ANLN: variants seen among roughly 807,000 people sequenced by gnomAD.
ANLN encodes anillin, actin binding protein.
In ANLN, 59 loss-of-function variants were observed where a neutral mutation model predicts 135.1. The observed-to-expected ratio is 0.44, with a 90% confidence interval of 0.35 to 0.54. The LOEUF is 0.54. ANLN is among the 20% of genes least tolerant of loss of function. The pLI, the probability that ANLN is intolerant of heterozygous loss-of-function variation, is 0.00. For missense variants in ANLN, 1,182 were observed against 1,340.0 expected, an observed-to-expected ratio of 0.88 and a Z score of 1.84; for synonymous variants, 406 against 456.4, an observed-to-expected ratio of 0.89 and a Z score of 1.41.
intron 6 of ANLN, 79 bp downstream of exon 6, chr7:36,410,783 A>C: frequency 7.2e-7 from 1 of 1,395,290 alleles, no homozygotes; most frequent in Non-Finnish European, 9.8e-7. Flanking sequence ...TTCTGATGCC[A>C]GTCTTTTTGA....
In ANLN at chr7:36,453,538, G is replaced by A. The variant is rs578076576; in HGVS notation, c.*938G>A. ...CATTTTGAAAGTGGAAAATTATTAA[G>A]TCACCTATCACCTTTAAACGCCTTT... On this transcript the variant is annotated 3_prime_UTR_variant, in exon 24 of 24. Transcript: ENST00000265748. The A allele has an allele frequency of 6.6e-6, 1 of 152,098 alleles. No individual in the cohort carries two copies. Among genetic ancestry groups the A allele is most frequent in the African/African-American group, 2.4e-5 (1 of 41,414 alleles). 9.4% of individuals were successfully genotyped at this position (152,098 alleles called of 1,614,324 possible). A position where few individuals can be genotyped will look rare whatever the true frequency, so the allele number is the denominator to read the frequency against.
chr7:36,437,713 C>A (rs1276112555), intron 20 of ANLN, among the ~76,000 whole-genome samples: 4 of 151,956 alleles, frequency 2.6e-5, no homozygotes, highest in Non-Finnish European at 5.9e-5. Context: ...ATTGCTAAAT[C>A]CATGATCACA....
chr7:36,436,743 T>C (rs1314963297), intron 20 of ANLN, among the ~76,000 whole-genome samples: 1 of 152,234 alleles, frequency 6.6e-6, no homozygotes, highest in Non-Finnish European at 1.5e-5. Flanking sequence ...CATGTGCTCA[T>C]TGGAAGACAA....
chr7:36,424,859 G>A (rs1023516144), intron 17 of ANLN, 117 bp downstream of exon 17: 8 of 981,636 alleles, frequency 8.1e-6, no homozygotes, highest in Non-Finnish European at 1.2e-5. Flanking sequence ...TCAGTTTCAT[G>A]TTCCAATTTG....
chr7:36,392,287 T>G (rs1324568658), intron 1 of ANLN, among the ~76,000 whole-genome samples: 1 of 152,088 alleles, frequency 6.6e-6, no homozygotes, highest in African/African-American at 2.4e-5. Flanking sequence ...TTAAATGAAG[T>G]TCCCTGGGGA....
At chr7:36,440,845 G>T (rs1288860594) in intron 21 of ANLN, among the ~76,000 whole-genome samples, 1 of 152,174 alleles carries the variant, frequency 6.6e-6, no homozygotes, top group Non-Finnish European at 1.5e-5. Context: ...AAGAAGTAGA[G>T]AAAATCCACT....
intron 21 of ANLN, among the ~76,000 whole-genome samples, chr7:36,443,184 G>A (rs566239472): frequency 6.6e-6 from 1 of 152,280 alleles, no homozygotes; most frequent in East Asian, 1.9e-4. Context: ...ACGCCTGATG[G>A]CAGGGAGGCA....
At chr7:36,413,358 G>A (rs562531828) in intron 7 of ANLN, among the ~76,000 whole-genome samples, 1 of 151,980 alleles carries the variant, frequency 6.6e-6, no homozygotes, top group African/African-American at 2.4e-5. Flanking sequence ...TCCTAATCAC[G>A]TTTGTCAGTG....
intron 1 of ANLN, chr7:36,390,315 C>G: frequency 1.9e-6 from 1 of 525,800 alleles, no homozygotes. Context: ...CTTTCAGCCC[C>G]CGTTTTTACC....
At chr7:36,432,800 C>A (rs1017457607) in intron 20 of ANLN, among the ~76,000 whole-genome samples, 7 of 151,856 alleles carry the variant, frequency 4.6e-5, no homozygotes, top group Non-Finnish European at 7.4e-5. Flanking sequence ...TTTTTTAAGG[C>A]GTTGGTAGGA....
Position 36,419,381 on chromosome 7 carries a change from T to G in ANLN, c.1771T>G (p.Leu591Val). The G allele has an allele frequency of 1.2e-6, 2 of 1,614,150 alleles. No individual in the cohort carries two copies. Among genetic ancestry groups the G allele is most frequent in the South Asian group, 1.1e-5 (1 of 91,086 alleles). Reference sequence around the variant, plus strand: ...GAGCCAAGAGGAGATGGATCAAGCATTAGCAGAAAGCAGCGAAGAACAGGA... The same window carrying G: ...GAGCCAAGAGGAGATGGATCAAGCAGTAGCAGAAAGCAGCGAAGAACAGGA... ...EKSQEEMDQA[L>V]AESSEEQEDA... Residue 591 changes from leucine to valine, a missense_variant, in exon 10 of 24, where the codon TTA becomes GTA. This residue lies in a region of ANLN where 1,022 missense variants were observed against 1,134.0 expected (regional missense o/e 0.90). Transcript: ENST00000265748.
chr7:36,406,470 C>T lies in ANLN; in HGVS notation c.777C>T (p.Phe259=). ...NSSSVKQEAT[F]CSQRDGDASL... ...GCAGTGTTAAGCAGGAAGCTACATT[C>T]TGTTCCCAAAGGGATGGCGATGCCT... Residue 259 remains phenylalanine (F), a synonymous_variant, in exon 4 of 24, where the codon TTC becomes TTT. Coordinates refer to ENST00000265748, the MANE Select transcript of ANLN (RefSeq NM_018685.5). 1 of 1,608,540 alleles carries T rather than the reference C, an allele frequency of 6.2e-7. No homozygotes were observed. The highest frequency in any genetic ancestry group is 1.1e-5 in the South Asian group (1 of 90,550).
Position 36,389,913 on chromosome 7 carries a change from C to T in ANLN, c.-114C>T, listed in dbSNP as rs1245942504. The T allele has an allele frequency of 1.5e-5, 24 of 1,590,728 alleles. No homozygotes were observed. The East Asian group carries it at 5.2e-4, about 34-fold the overall frequency. Reference sequence around the variant, plus strand: ...GAGGACAGCTGGTTGTGGGAGAGTTCCCCCGCCTCAGACTCCTGGTTTTTT... The same window carrying T: ...GAGGACAGCTGGTTGTGGGAGAGTTTCCCCGCCTCAGACTCCTGGTTTTTT... On this transcript the variant is annotated 5_prime_UTR_variant, in exon 1 of 24. Coordinates refer to ENST00000265748, the MANE Select transcript of ANLN (RefSeq NM_018685.5).
rs10560737 is a variant in ANLN at position 36,422,283 on chromosome 7, T to TTC, written c.2299+314_2299+315dup. Reference sequence around the variant, plus strand: ...CTATATATACACATGTACACATACATTCTCTCTCTCTCTCTCTCTCTCTCC... The same window carrying TTC: ...CTATATATACACATGTACACATACATTCTCTCTCTCTCTCTCTCTCTCTCTCC... On this transcript the variant is annotated intron_variant, in intron 13 of 23. Transcript: ENST00000265748. Among the ~76,000 whole-genome samples the TTC allele has an allele frequency of 0.077, 11,522 of 150,044 alleles. 638 individuals carry two copies. The highest frequency in any genetic ancestry group is 0.16 in the African/African-American group (6,555 of 40,818).
At chr7:36,390,414 C>A in intron 1 of ANLN, 1 of 278,638 alleles carries the variant, frequency 3.6e-6, no homozygotes, top group Non-Finnish European at 6.9e-6. Flanking sequence ...CCCTGCAGGG[C>A]GGGGTCCGGG....
In ANLN at chr7:36,439,932, A is replaced by T. The variant is rs566529868; in HGVS notation, c.2970+642A>T. Among the ~76,000 whole-genome samples, 19 of 152,332 alleles carry T rather than the reference A, an allele frequency of 1.2e-4. No homozygotes were observed. In the South Asian group the frequency reaches 3.7e-3, roughly 30 times the overall value. ...ATCCTAGAGTCAGCGAGTTACTCTTACAGGATTTTAAGCAGAGGAAATTAT... is the reference window on the plus strand; with the variant it reads ...ATCCTAGAGTCAGCGAGTTACTCTTTCAGGATTTTAAGCAGAGGAAATTAT... On this transcript the variant is annotated intron_variant, in intron 21 of 23. Transcript: ENST00000265748.
intron 15 of ANLN, 109 bp from the exon 16 acceptor site, chr7:36,424,436 C>T (rs910376942): frequency 2.4e-6 from 2 of 845,014 alleles, no homozygotes; most frequent in African/African-American, 1.7e-5. Flanking sequence ...ACTTTAAAGT[C>T]ATAGTGGATT....
intron 18 of ANLN, 130 bp from the exon 19 acceptor site, chr7:36,425,885 G>A (rs1788059267): frequency 8.8e-7 from 1 of 1,135,084 alleles, no homozygotes; most frequent in South Asian, 1.5e-5. Flanking sequence ...TGTAATTTAT[G>A]TAGGAAAAGT....
chr7:36,437,754 G>A (rs1319499723), intron 20 of ANLN, among the ~76,000 whole-genome samples: 1 of 149,798 alleles, frequency 6.7e-6, no homozygotes, highest in Admixed American at 6.6e-5. Flanking sequence ...CTTTCTAAGA[G>A]TTTTATTTTA....
Sources: gnomAD v4.1 joint callset for allele counts (sites outside exome capture counted in the v4.1 genomes callset) on GRCh38, gnomAD v4.1.1 for gene constraint, gnomAD v4.1.1 regional missense constraint, MANE v1.5 for transcripts, NCBI Gene and HGNC (gene_info 2026-07-23, HGNC 2026-07-21) for gene names.